The following ADCY4 variants were observed in gnomAD, a reference collection of about 807,000 sequenced individuals.
ADCY4 encodes the protein adenylate cyclase 4.
Under a neutral mutation model 125.5 loss-of-function variants are expected in ADCY4, and 111 were observed. That is an observed-to-expected ratio of 0.88 (90% CI 0.76 to 1.04). The LOEUF (loss-of-function observed/expected upper bound fraction) is 1.04. Among genes scored for constraint, ADCY4 ranks in the 50% least tolerant of loss-of-function variants. The probability of loss-of-function intolerance (pLI) is 0.00; values close to 1 mark genes in which losing one functional copy is unlikely to be tolerated. For missense variants in ADCY4, 1,256 were observed against 1,382.9 expected (o/e 0.91, Z 1.46); for synonymous variants, 576 against 586.9 (o/e 0.98, Z 0.27).
chr14:24,326,138 A>T lies in ADCY4; in HGVS notation c.1596T>A (p.Asp532Glu), dbSNP rs1280671249. 1 of 1,592,938 alleles carries T rather than the reference A, an allele frequency of 6.3e-7. No homozygotes were observed. The highest frequency in any genetic ancestry group is 2.2e-5 in the East Asian group (1 of 44,512). ...DRSRTPRGLD[D>E]ELDTGDAKFF... ...ACTTGGCATCCCCGGTGTCCAGTTC[A>T]TCATCTAGTCCCCGGGGGGTACGGC... Residue 532 changes from aspartate (D) to glutamate (E), a missense_variant, in exon 12 of 25, where the codon GAT becomes GAA. Asp to Glu is a conservative substitution (Grantham distance 45, BLOSUM62 2). Transcript: ENST00000418030.
At chr14:24,325,307 GC>G (rs2041924729) in intron 14 of ADCY4, 69 bp downstream of exon 14, 1 of 1,326,996 alleles carries the variant, frequency 7.5e-7, no homozygotes, top group Non-Finnish European at 1.1e-6. Context: ...AGAAAGTGTG[GC>G]CCGGGGTCAT....
Position 24,319,078 on chromosome 14 carries a change from C to CAGCAGGGG in ADCY4, c.2956+12_2956+19dup. On this transcript the variant is annotated intron_variant, in intron 23 of 24. Coordinates refer to ENST00000418030, the MANE Select transcript of ADCY4 (RefSeq NM_001198568.2). The surrounding 1 kb of genome is among the most constrained non-coding windows in gnomAD (Gnocchi z 4.5). ...AAGGTGAGGAGGTACCAGACTGCTG[C>CAGCAGGGG]AGCAGGGGAAGTCTCTCACCCACTC... 1 of 1,612,706 alleles carries CAGCAGGGG rather than the reference C, an allele frequency of 6.2e-7. No individual in the cohort carries two copies. Among genetic ancestry groups the CAGCAGGGG allele is most frequent in the Non-Finnish European group, 8.5e-7 (1 of 1,178,888 alleles).
intron 10 of ADCY4, 44 bp downstream of exon 10, chr14:24,329,017 T>C: frequency 6.3e-7 from 1 of 1,583,168 alleles, no homozygotes; most frequent in Non-Finnish European, 8.6e-7. Context: ...ATACTGGGGG[T>C]GGATTTAACT....
chr14:24,327,859 A>G (rs1275678076), intron 10 of ADCY4, among the ~76,000 whole-genome samples: 1 of 152,244 alleles, frequency 6.6e-6, no homozygotes, highest in Admixed American at 6.5e-5. Flanking sequence ...CAGTTCCAGT[A>G]TAATAAAATA....
intron 3 of ADCY4, 40 bp downstream of exon 3, chr14:24,332,482 G>A: frequency 6.5e-7 from 1 of 1,545,416 alleles, no homozygotes; most frequent in Non-Finnish European, 8.7e-7. Flanking sequence ...GCACGTGGCA[G>A]AGCCGTCCTG....
chr14:24,331,858 C>G lies in ADCY4; in HGVS notation c.599G>C (p.Arg200Pro), dbSNP rs1258435318. 3 of 1,603,752 alleles carry G rather than the reference C, an allele frequency of 1.9e-6. No individual in the cohort carries two copies. The East Asian group carries it at 6.7e-5, about 36-fold the overall frequency. ...GCTGAGTGCCTCCCGGAACGTGGCC[C>G]GCAGGGCGCGCTCCATCAGCGCCTT... ...YHKALMERAL[R>P]ATFREALSSL... The change falls in exon 4 of 25, where the codon CGG (arginine) becomes CCG (proline). Residue 200 changes from arginine to proline, a missense_variant. Coordinates refer to ENST00000418030, the MANE Select transcript of ADCY4 (RefSeq NM_001198568.2).
In ADCY4 at chr14:24,319,220, T is replaced by C. The variant is rs74038604; in HGVS notation, c.2842-8A>G. On this transcript the variant is annotated splice_polypyrimidine_tract_variant and splice_region_variant and intron_variant, in intron 22 of 24. Coordinates refer to ENST00000418030, the MANE Select transcript of ADCY4 (RefSeq NM_001198568.2). This position sits in a 1 kb window ranked among gnomAD's most constrained non-coding sequence, Gnocchi z 4.5. The stretch of plus-strand genomic sequence containing the variant: ...GCAGCTCCGTTCAGCATCCTGGCAA[T>C]GGGCCCGCCCACCAGGGTGGGCCAG... 10,433 of 1,614,038 alleles carry C rather than the reference T, an allele frequency of 6.5e-3. 608 individuals carry two copies. The African/African-American group carries it at 0.12, about 19-fold the overall frequency.
Position 24,319,563 on chromosome 14 carries a change from A to C in ADCY4, c.2734-127T>G. 8.0e-7 allele frequency: 1 copy of C among 1,245,720 alleles called. No individual in the cohort carries two copies. Among genetic ancestry groups the C allele is most frequent in the South Asian group, 1.3e-5 (1 of 77,928 alleles). 77.2% of individuals were successfully genotyped at this position (1,245,720 alleles called of 1,614,324 possible). On this transcript the variant is annotated intron_variant, in intron 21 of 24. Transcript: ENST00000418030. This position sits in a 1 kb window ranked among gnomAD's most constrained non-coding sequence, Gnocchi z 4.5. ...GGGAGTGGAGATAGTGTCAGGAAGG[A>C]GAGGGTTGGTGGTGGGCAGTGTTGC... is the stretch of plus-strand genomic sequence containing the variant.
chr14:24,326,202 C>G (rs2041941494), intron 11 of ADCY4, 37 bp from the exon 12 acceptor site: 2 of 1,612,160 alleles, frequency 1.2e-6, no homozygotes, highest in African/African-American at 1.3e-5. Context: ...CCACAGAGAC[C>G]CTCAGAGCGT....
Position 24,326,349 on chromosome 14 carries a change from G to T in ADCY4, c.1525-7C>A. 6.2e-7 allele frequency: 1 copy of T among 1,610,688 alleles called. No homozygotes were observed. The highest frequency in any genetic ancestry group is 8.5e-7 in the Non-Finnish European group (1 of 1,179,768). The stretch of plus-strand genomic sequence containing the variant: ...AGGAAGCCAGGGTCTTCTCCTGTTG[G>T]GAGAGCACAGGGGGAGGTGGGCATG... On this transcript the variant is annotated splice_region_variant and splice_polypyrimidine_tract_variant and intron_variant, in intron 10 of 24. Coordinates refer to ENST00000418030, the MANE Select transcript of ADCY4 (RefSeq NM_001198568.2).
At chr14:24,323,109 C>A (rs1234121440) in intron 17 of ADCY4, 21 bp from the exon 18 acceptor site, 3 of 1,611,520 alleles carry the variant, frequency 1.9e-6, no homozygotes, top group African/African-American at 1.3e-5. Flanking sequence ...AGGCAGGGGT[C>A]AGGAGTGGGC....
In ADCY4 at chr14:24,319,227, G is replaced by GC; in HGVS notation, c.2842-16dup. On this transcript the variant is annotated splice_polypyrimidine_tract_variant and intron_variant, in intron 22 of 24. Coordinates refer to ENST00000418030, the MANE Select transcript of ADCY4 (RefSeq NM_001198568.2). The surrounding 1 kb of genome is among the most constrained non-coding windows in gnomAD (Gnocchi z 4.5). ...CGTTCAGCATCCTGGCAATGGGCCCGCCCACCAGGGTGGGCCAGTGAGGGC... is the reference window on the plus strand; with the variant it reads ...CGTTCAGCATCCTGGCAATGGGCCCGCCCCACCAGGGTGGGCCAGTGAGGGC... 6.2e-7 allele frequency: 1 copy of GC among 1,613,534 alleles called. No individual in the cohort carries two copies. Among genetic ancestry groups the GC allele is most frequent in the African/African-American group, 1.3e-5 (1 of 75,020 alleles).
chr14:24,331,138 G>C lies in ADCY4; in HGVS notation c.819-9C>G. Reference sequence around the variant, plus strand: ...TGTCAGCATACAGCACGCTGCATAGGGCAGACTGTGTCAGCAGGGCCAGGG... The same window carrying C: ...TGTCAGCATACAGCACGCTGCATAGCGCAGACTGTGTCAGCAGGGCCAGGG... On this transcript the variant is annotated splice_polypyrimidine_tract_variant and intron_variant, in intron 5 of 24. Transcript: ENST00000418030. 2 of 1,613,158 alleles carry C rather than the reference G, an allele frequency of 1.2e-6. No individual in the cohort carries two copies. Among genetic ancestry groups the C allele is most frequent in the Non-Finnish European group, 1.7e-6 (2 of 1,179,234 alleles).
At chr14:24,328,208 C>T (rs2041979354) in intron 10 of ADCY4, among the ~76,000 whole-genome samples, 1 of 124,224 alleles carries the variant, frequency 8.0e-6, no homozygotes, top group African/African-American at 3.2e-5. Context: ...ACACCAGCTA[C>T]TTAGCAGACC....
rs973178746 is a variant in ADCY4 at position 24,324,488 on chromosome 14, G to A, written c.1824-97C>T. 8 of 1,396,230 alleles carry A rather than the reference G, an allele frequency of 5.7e-6. No individual in the cohort carries two copies. The African/African-American group carries it at 1.1e-4, about 20-fold the overall frequency. The allele number at this position is 1,396,230 out of a possible 1,614,324, so 86.5% of individuals were successfully genotyped here. On this transcript the variant is annotated intron_variant, in intron 14 of 24. Transcript: ENST00000418030. ...AGCTGGGTGGGAGATAGGGGAAGTG[G>A]TTCTGGGGAATCTGGGTTGGCTGGC...
In ADCY4 at chr14:24,322,887, C is replaced by G. The variant is rs761823389; in HGVS notation, c.2342+17G>C. 1.9e-6 allele frequency: 3 copies of G among 1,578,890 alleles called. No homozygotes were observed. The highest frequency in any genetic ancestry group is 1.9e-5 in the Admixed American group (1 of 53,222). ...ATCCCAGGGGGCCCGGCACCTCTGT[C>G]CAGCAGCTGTGCACACCTGGAGTCC... On this transcript the variant is annotated intron_variant, in intron 18 of 24. Coordinates refer to ENST00000418030, the MANE Select transcript of ADCY4 (RefSeq NM_001198568.2).
chr14:24,319,989 C>T lies in ADCY4; in HGVS notation c.2587-101G>A. 1 of 1,406,454 alleles carries T rather than the reference C, an allele frequency of 7.1e-7. No homozygotes were observed. Among genetic ancestry groups the T allele is most frequent in the Non-Finnish European group, 9.6e-7 (1 of 1,044,810 alleles). 87.1% of individuals were successfully genotyped at this position (1,406,454 alleles called of 1,614,324 possible). A position where few individuals can be genotyped will look rare whatever the true frequency, so the allele number is the denominator to read the frequency against. On this transcript the variant is annotated intron_variant, in intron 20 of 24. Transcript: ENST00000418030. The surrounding 1 kb of genome is among the most constrained non-coding windows in gnomAD (Gnocchi z 4.5). ...CTCCCCATGTCCACACTCCTGGTCT[C>T]CCTGTTTAAGAAGAATTGGGAAGGA...
In ADCY4 at chr14:24,331,021, G is replaced by A. The variant is rs1163119617; in HGVS notation, c.927C>T (p.Ala309=). Residue 309 remains alanine (A), a synonymous_variant, in exon 6 of 25, where the codon GCC becomes GCT. Transcript: ENST00000418030. The part of the protein sequence containing the change: ...NELFGKFDQI[A]KEHECMRIKI... Reference sequence around the variant, plus strand: ...GGGGAGGGAAGTCTTCTCTGACCTTGGCAATCTGGTCGAACTTGCCAAAGA... The same window carrying A: ...GGGGAGGGAAGTCTTCTCTGACCTTAGCAATCTGGTCGAACTTGCCAAAGA... 1 of 1,602,008 alleles carries A rather than the reference G, an allele frequency of 6.2e-7. No homozygotes were observed. Among genetic ancestry groups the A allele is most frequent in the Admixed American group, 1.7e-5 (1 of 59,624 alleles).
At chr14:24,333,026 G>C (rs369728575) in intron 1 of ADCY4, 38 bp from the exon 2 acceptor site, 69 of 1,492,158 alleles carry the variant, frequency 4.6e-5, no homozygotes, top group Non-Finnish European at 5.6e-5. Context: ...TTGTGACAGG[G>C]AGAAGGAACG....
Sources: gnomAD v4.1 joint callset for allele counts (sites outside exome capture counted in the v4.1 genomes callset) on GRCh38, gnomAD v4.1.1 for gene constraint, Gnocchi (gnomAD v3.1) non-coding constraint, MANE v1.5 for transcripts, NCBI Gene and HGNC (gene_info 2026-07-23, HGNC 2026-07-21) for gene names.